MIF: variants seen among roughly 807,000 people sequenced by gnomAD.
MIF encodes the protein L-dopachrome isomerase.
A neutral mutation model predicts 11.3 loss-of-function variants in MIF; 16 were observed. The ratio of observed to expected loss-of-function variants is 1.42; its 90% CI spans 0.96 to 2.16. The LOEUF is 2.16. Among genes scored for constraint, MIF ranks in the 30% most tolerant of loss-of-function variants. The pLI, the probability that MIF is intolerant of heterozygous loss-of-function variation, is 0.00. For synonymous variants in MIF, 83 were observed against 74.2 expected (o/e 1.12, Z -0.61); for missense variants, 229 against 165.3 (o/e 1.39, Z -2.11).
Position 23,894,575 on chromosome 22 carries a change from C to T in MIF, c.101C>T (p.Pro34Leu). The T allele has an allele frequency of 2.5e-6, 4 of 1,612,556 alleles. No individual in the cohort carries two copies. The highest frequency in any genetic ancestry group is 3.4e-6 in the Non-Finnish European group (4 of 1,179,574). ...CAGCTGGCGCAGGCCACCGGCAAGCCCCCCCAGGTTTGCCGGGAGGGGACA... is the reference window on the plus strand; with the variant it reads ...CAGCTGGCGCAGGCCACCGGCAAGCTCCCCCAGGTTTGCCGGGAGGGGACA... ...TQQLAQATGK[P>L]PQYIAVHVVP... The change falls in exon 1 of 3, where the codon CCC (proline) becomes CTC (leucine). Residue 34 changes from proline to leucine, a missense_variant. Physicochemically the swap from Pro to Leu is moderately conservative, Grantham distance 98. Coordinates refer to ENST00000215754, the MANE Select transcript of MIF (RefSeq NM_002415.2).
chr22:23,894,592 G>C lies in MIF; in HGVS notation c.108+10G>C. ...CGGCAAGCCCCCCCAGGTTTGCCGG[G>C]AGGGGACAGGAAGAGGGGGGTGCCC... On this transcript the variant is annotated intron_variant, in intron 1 of 2. Transcript: ENST00000215754. 1 of 1,610,642 alleles carries C rather than the reference G, an allele frequency of 6.2e-7. No homozygotes were observed. The highest frequency in any genetic ancestry group is 1.1e-5 in the South Asian group (1 of 90,958).
intron 1 of MIF, 55 bp downstream of exon 1, chr22:23,894,637 G>T: frequency 1.3e-6 from 2 of 1,557,194 alleles, no homozygotes; most frequent in Non-Finnish European, 1.7e-6. Flanking sequence ...GGGGTTCCGC[G>T]CTGGGAGCTG....
chr22:23,894,955 T>G lies in MIF; in HGVS notation c.281+11T>G, dbSNP rs1339941084. On this transcript the variant is annotated intron_variant, in intron 2 of 2. Coordinates refer to ENST00000215754, the MANE Select transcript of MIF (RefSeq NM_002415.2). ...CATCAGCCCGGACAGGTACGCGGAG[T>G]CGCGGAGGGGCGGGGGAGGGGCGGC... 1.3e-6 allele frequency: 2 copies of G among 1,547,990 alleles called. No homozygotes were observed. Among genetic ancestry groups the G allele is most frequent in the African/African-American group, 2.8e-5 (2 of 72,034 alleles).
intron 1 of MIF, 91 bp downstream of exon 1, chr22:23,894,673 G>GGGGGC (rs1482808764): frequency 2.0e-6 from 3 of 1,486,344 alleles, no homozygotes; most frequent in Non-Finnish European, 9.0e-7. Context: ...AACGGAGCTG[G>GGGGGC]GGGGCGGGGC....
chr22:23,894,601 G>C lies in MIF; in HGVS notation c.108+19G>C. 1 of 1,606,046 alleles carries C rather than the reference G, an allele frequency of 6.2e-7. No homozygotes were observed. Among genetic ancestry groups the C allele is most frequent in the Non-Finnish European group, 8.5e-7 (1 of 1,174,702 alleles). ...CCCCCAGGTTTGCCGGGAGGGGACA[G>C]GAAGAGGGGGGTGCCCACCGGACGA... On this transcript the variant is annotated intron_variant, in intron 1 of 2. Coordinates refer to ENST00000215754, the MANE Select transcript of MIF (RefSeq NM_002415.2).
chr22:23,894,579 C>G lies in MIF; in HGVS notation c.105C>G (p.Pro35=), dbSNP rs1480040959. The change falls in exon 1 of 3, where the codon CCC becomes CCG. Residue 35 remains proline (P), a synonymous_variant. Coordinates refer to ENST00000215754, the MANE Select transcript of MIF (RefSeq NM_002415.2). The part of the protein sequence containing the change: ...QQLAQATGKP[P]QYIAVHVVPD... ...TGGCGCAGGCCACCGGCAAGCCCCC[C>G]CAGGTTTGCCGGGAGGGGACAGGAA... The G allele has an allele frequency of 1.2e-6, 2 of 1,612,334 alleles. No homozygotes were observed. Among genetic ancestry groups the G allele is most frequent in the East Asian group, 2.2e-5 (1 of 44,852 alleles).
intron 2 of MIF, 22 bp downstream of exon 2, chr22:23,894,966 C>CG: frequency 6.5e-7 from 1 of 1,545,978 alleles, no homozygotes; most frequent in Middle Eastern, 1.8e-4. Flanking sequence ...CGCGGAGGGG[C>CG]GGGGGAGGGG....
chr22:23,895,049 C>T lies in MIF; in HGVS notation c.291C>T (p.Ile97=). The change falls in exon 3 of 3, where the codon ATC becomes ATT. Residue 97 remains isoleucine, a synonymous_variant. Coordinates refer to ENST00000215754, the MANE Select transcript of MIF (RefSeq NM_002415.2). Reference sequence around the variant, plus strand: ...CCTCCTCCCCCCGCAGGGTCTACATCAACTATTACGACATGAACGCGGCCA... The same window carrying T: ...CCTCCTCCCCCCGCAGGGTCTACATTAACTATTACGACATGAACGCGGCCA... ...RLRISPDRVY[I]NYYDMNAANV... 1.9e-6 allele frequency: 3 copies of T among 1,555,814 alleles called. No individual in the cohort carries two copies. The highest frequency in any genetic ancestry group is 1.9e-5 in the Admixed American group (1 of 52,052).
In MIF at chr22:23,894,423, C is replaced by T; in HGVS notation, c.-52C>T. 9 of 1,462,740 alleles carry T rather than the reference C, an allele frequency of 6.2e-6. No individual in the cohort carries two copies. The highest frequency in any genetic ancestry group is 2.3e-5 in the East Asian group (1 of 43,886). The allele number at this position is 1,462,740 out of a possible 1,614,324, so 90.6% of individuals were successfully genotyped here. A position where few individuals can be genotyped will look rare whatever the true frequency, so the allele number is the denominator to read the frequency against. ...GTCAGGCACGTAGCTCAGCGGCGGC[C>T]GCGGCGCGTGCGTCTGTGCCTCTGC... is the stretch of plus-strand genomic sequence containing the variant. On this transcript the variant is annotated 5_prime_UTR_variant, in exon 1 of 3. Coordinates refer to ENST00000215754, the MANE Select transcript of MIF (RefSeq NM_002415.2).
chr22:23,894,642 G>C, intron 1 of MIF, 60 bp downstream of exon 1: 2 of 1,523,878 alleles, frequency 1.3e-6, no homozygotes, highest in Non-Finnish European at 1.8e-6. Flanking sequence ...TCCGCGCTGG[G>C]AGCTGGGGAG....
chr22:23,895,028 C>T lies in MIF; in HGVS notation c.282-12C>T, dbSNP rs2033132806. The T allele has an allele frequency of 1.9e-6, 3 of 1,544,180 alleles. No individual in the cohort carries two copies. Among genetic ancestry groups the T allele is most frequent in the Non-Finnish European group, 2.6e-6 (3 of 1,142,934 alleles). ...TGAGCCACCCGCTGAGTCCGGCCTC[C>T]TCCCCCCGCAGGGTCTACATCAACT... On this transcript the variant is annotated splice_polypyrimidine_tract_variant and intron_variant, in intron 2 of 2. Coordinates refer to ENST00000215754, the MANE Select transcript of MIF (RefSeq NM_002415.2).
Position 23,894,417 on chromosome 22 carries a change from G to T in MIF, c.-58G>T, listed in dbSNP as rs968134148. On this transcript the variant is annotated 5_prime_UTR_variant, in exon 1 of 3. Coordinates refer to ENST00000215754, the MANE Select transcript of MIF (RefSeq NM_002415.2). Reference sequence around the variant, plus strand: ...CGAGAAGTCAGGCACGTAGCTCAGCGGCGGCCGCGGCGCGTGCGTCTGTGC... The same window carrying T: ...CGAGAAGTCAGGCACGTAGCTCAGCTGCGGCCGCGGCGCGTGCGTCTGTGC... The T allele has an allele frequency of 2.6e-5, 36 of 1,404,904 alleles. No individual in the cohort carries two copies. The highest frequency in any genetic ancestry group is 5.2e-5 in the Admixed American group (3 of 58,174). The allele number at this position is 1,404,904 out of a possible 1,614,324, so 87.0% of individuals were successfully genotyped here. A position where few individuals can be genotyped will look rare whatever the true frequency, so the allele number is the denominator to read the frequency against.
At position 23,894,835 on chromosome 22, in the gene MIF, G is replaced by A. The variant is rs761381011; in HGVS notation, c.172G>A (p.Ala58Thr). ...MAFGGSSEPC[A>T]LCSLHSIGKI... ...CTTCGGCGGCTCCAGCGAGCCGTGC[G>A]CGCTCTGCAGCCTGCACAGCATCGG... The change falls in exon 2 of 3, where the codon GCG becomes ACG. Residue 58 changes from alanine (A) to threonine (T), a missense_variant. Transcript: ENST00000215754. 83 of 1,553,980 alleles carry A rather than the reference G, an allele frequency of 5.3e-5. No homozygotes were observed. Among genetic ancestry groups the A allele is most frequent in the Middle Eastern group, 1.7e-4 (1 of 6,018 alleles).
In MIF at chr22:23,895,046, C is replaced by T. The variant is rs1482001619; in HGVS notation, c.288C>T (p.Tyr96=). 2 of 1,554,894 alleles carry T rather than the reference C, an allele frequency of 1.3e-6. No individual in the cohort carries two copies. The highest frequency in any genetic ancestry group is 1.7e-6 in the Non-Finnish European group (2 of 1,148,878). The change falls in exon 3 of 3, where the codon TAC becomes TAT. Residue 96 remains tyrosine (Y), a synonymous_variant. Coordinates refer to ENST00000215754, the MANE Select transcript of MIF (RefSeq NM_002415.2). ...ERLRISPDRV[Y]INYYDMNAAN... ...CGGCCTCCTCCCCCCGCAGGGTCTA[C>T]ATCAACTATTACGACATGAACGCGG...
chr22:23,894,512 C>G lies in MIF; in HGVS notation c.38C>G (p.Ala13Gly). The G allele has an allele frequency of 3.1e-6, 5 of 1,613,282 alleles. No individual in the cohort carries two copies. The highest frequency in any genetic ancestry group is 4.2e-6 in the Non-Finnish European group (5 of 1,179,842). ...MFIVNTNVPR[A>G]SVPDGFLSEL... Reference sequence around the variant, plus strand: ...ATCGTAAACACCAACGTGCCCCGCGCCTCCGTGCCGGACGGGTTCCTCTCC... The same window carrying G: ...ATCGTAAACACCAACGTGCCCCGCGGCTCCGTGCCGGACGGGTTCCTCTCC... The change falls in exon 1 of 3, where the codon GCC becomes GGC. Residue 13 changes from alanine to glycine, a missense_variant. Coordinates refer to ENST00000215754, the MANE Select transcript of MIF (RefSeq NM_002415.2).
In MIF at chr22:23,895,216, A is replaced by G; in HGVS notation, c.*110A>G. The G allele has an allele frequency of 8.5e-7, 1 of 1,172,722 alleles. No homozygotes were observed. 72.6% of individuals were successfully genotyped at this position (1,172,722 alleles called of 1,614,324 possible). A position where few individuals can be genotyped will look rare whatever the true frequency, so the allele number is the denominator to read the frequency against. On this transcript the variant is annotated 3_prime_UTR_variant, in exon 3 of 3. Coordinates refer to ENST00000215754, the MANE Select transcript of MIF (RefSeq NM_002415.2). Reference sequence around the variant, plus strand: ...TCTGGTGGGGAGAAATAAACGGTTTAGAGACTAGGAGTGCCTCGGGGTTCC... The same window carrying G: ...TCTGGTGGGGAGAAATAAACGGTTTGGAGACTAGGAGTGCCTCGGGGTTCC...
rs1174742497 is a variant in MIF, at chr22:23,894,556, G to A, written c.82G>A (p.Ala28Thr). The A allele has an allele frequency of 1.9e-6, 3 of 1,612,980 alleles. No individual in the cohort carries two copies. Among genetic ancestry groups the A allele is most frequent in the Non-Finnish European group, 2.5e-6 (3 of 1,179,758 alleles). ...GFLSELTQQL[A>T]QATGKPPQYI... ...CCTCTCCGAGCTCACCCAGCAGCTG[G>A]CGCAGGCCACCGGCAAGCCCCCCCA... The change falls in exon 1 of 3, where the codon GCG becomes ACG. Residue 28 changes from alanine (A) to threonine (T), a missense_variant. Transcript: ENST00000215754.
chr22:23,894,551 A>T lies in MIF; in HGVS notation c.77A>T (p.Gln26Leu). The T allele has an allele frequency of 6.2e-7, 1 of 1,612,934 alleles. No individual in the cohort carries two copies. Among genetic ancestry groups the T allele is most frequent in the Non-Finnish European group, 8.5e-7 (1 of 1,179,752 alleles). ...GGGTTCCTCTCCGAGCTCACCCAGCAGCTGGCGCAGGCCACCGGCAAGCCC... is the reference window on the plus strand; with the variant it reads ...GGGTTCCTCTCCGAGCTCACCCAGCTGCTGGCGCAGGCCACCGGCAAGCCC... ...PDGFLSELTQ[Q>L]LAQATGKPPQ... The change falls in exon 1 of 3, where the codon CAG (glutamine) becomes CTG (leucine). Residue 26 changes from glutamine to leucine, a missense_variant. Gln to Leu is a moderately radical substitution (Grantham distance 113, BLOSUM62 -2). Coordinates refer to ENST00000215754, the MANE Select transcript of MIF (RefSeq NM_002415.2).
rs1205998815 is a variant in MIF at position 23,894,577 on chromosome 22, C to A, written c.103C>A (p.Pro35Thr). 1 of 1,612,484 alleles carries A rather than the reference C, an allele frequency of 6.2e-7. No homozygotes were observed. The highest frequency in any genetic ancestry group is 1.7e-5 in the Admixed American group (1 of 59,990). ...QQLAQATGKP[P>T]QYIAVHVVPD... ...GCTGGCGCAGGCCACCGGCAAGCCC[C>A]CCCAGGTTTGCCGGGAGGGGACAGG... Residue 35 changes from proline (P) to threonine (T), a missense_variant, in exon 1 of 3, where the codon CCC becomes ACC. Physicochemically the swap from Pro to Thr is conservative, Grantham distance 38 (BLOSUM62 -1). Transcript: ENST00000215754.
Sources: gnomAD v4.1 joint callset for allele counts on GRCh38, gnomAD v4.1.1 for gene constraint, MANE v1.5 for transcripts, NCBI Gene and HGNC (gene_info 2026-07-23, HGNC 2026-07-21) for gene names.